Variants in RBFOX1 observed in about 807,000 individuals in gnomAD.
RBFOX1 encodes the protein RNA binding protein fox-1 homolog 1.
In RBFOX1, 8 loss-of-function variants were observed where a neutral mutation model predicts 57.7. The ratio of observed to expected loss-of-function variants is 0.14; its 90% CI spans 0.08 to 0.25. The LOEUF (loss-of-function observed/expected upper bound fraction) is 0.25. Among genes scored for constraint, RBFOX1 ranks in the 10% least tolerant of loss-of-function variants. The pLI is 1.00. For missense variants in RBFOX1, 611 were observed against 548.5 expected, an observed-to-expected ratio of 1.11 and a Z score of -1.14; for synonymous variants, 326 against 222.4, an observed-to-expected ratio of 1.47 and a Z score of -4.15.
At chr16:6,391,651 C>T (rs1049870908) in intron 2 of RBFOX1, among the ~76,000 whole-genome samples, 1 of 152,044 alleles carries the variant, frequency 6.6e-6, no homozygotes, top group African/African-American at 2.4e-5. Flanking sequence ...GTTATAATTG[C>T]CTTGATGGAA....
intron 11 of RBFOX1, among the ~76,000 whole-genome samples, chr16:7,639,782 T>C (rs1468518452): frequency 6.6e-6 from 1 of 152,174 alleles, no homozygotes; most frequent in East Asian, 1.9e-4. Flanking sequence ...CCTTTGCTAC[T>C]GAGACCCTAT....
At chr16:6,139,858 C>A (rs1194170723) in intron 1 of RBFOX1, among the ~76,000 whole-genome samples, 4 of 152,142 alleles carry the variant, frequency 2.6e-5, no homozygotes, top group Non-Finnish European at 5.9e-5. Context: ...AGGAAGGAAG[C>A]AGAAAAGGGT....
intron 2 of RBFOX1, among the ~76,000 whole-genome samples, chr16:6,477,582 G>C (rs2095293292): frequency 6.6e-6 from 1 of 152,198 alleles, no homozygotes; most frequent in Non-Finnish European, 1.5e-5. Context: ...CATAGGCAGA[G>C]TAGATTTAGA....
intron 1 of RBFOX1, among the ~76,000 whole-genome samples, chr16:6,146,374 G>T (rs1316971302): frequency 6.6e-6 from 1 of 152,200 alleles, no homozygotes; most frequent in Admixed American, 6.5e-5. Context: ...CTCCAAAATT[G>T]TAGATCAGCT....
intron 1 of RBFOX1, among the ~76,000 whole-genome samples, chr16:6,196,063 A>G (rs1231999463): frequency 6.6e-6 from 1 of 152,252 alleles, no homozygotes; most frequent in Non-Finnish European, 1.5e-5. Context: ...ATTACCATAC[A>G]CAGTATGCTT....
intron 3 of RBFOX1, among the ~76,000 whole-genome samples, chr16:5,761,721 G>C (rs28533934): frequency 0.013 from 1,905 of 152,284 alleles, 36 homozygotes; most frequent in African/African-American, 0.042. Context: ...AATTCAAGAT[G>C]ACATTTGGGT....
chr16:5,592,781 G>A (rs2047052613), intron 2 of RBFOX1, among the ~76,000 whole-genome samples: 1 of 152,180 alleles, frequency 6.6e-6, no homozygotes, highest in African/African-American at 2.4e-5. Flanking sequence ...GGCCTCATAG[G>A]CTCCTCAGCC....
intron 2 of RBFOX1, among the ~76,000 whole-genome samples, chr16:5,502,841 T>C (rs9746963): frequency 0.07 from 10,629 of 152,146 alleles, 1,202 homozygotes; most frequent in African/African-American, 0.24. Flanking sequence ...CCCTGAGAAA[T>C]AGCCAGGGCA....
chr16:5,669,159 C>G (rs984121316), intron 3 of RBFOX1, among the ~76,000 whole-genome samples: 1 of 152,120 alleles, frequency 6.6e-6, no homozygotes, highest in Admixed American at 6.5e-5. Flanking sequence ...GGCCTTTACC[C>G]CTAAGTGTGA....
intron 9 of RBFOX1, among the ~76,000 whole-genome samples, chr16:7,601,625 ACACCAC>A (rs141039302): frequency 7.9e-5 from 12 of 152,058 alleles, no homozygotes; most frequent in Middle Eastern, 3.4e-3. Context: ...GGAAAAATCA[ACACCAC>A]CACCACCACC....
chr16:7,320,060 CCTTTTCTT>C (rs1156481937), intron 4 of RBFOX1, among the ~76,000 whole-genome samples: 1 of 152,064 alleles, frequency 6.6e-6, no homozygotes, highest in African/African-American at 2.4e-5. Context: ...TTGAAAGTTA[CCTTTTCTT>C]AAAAAAATTA....
intron 3 of RBFOX1, among the ~76,000 whole-genome samples, chr16:5,716,474 A>T (rs1260466718): frequency 6.6e-6 from 1 of 152,244 alleles, no homozygotes; most frequent in African/African-American, 2.4e-5. Flanking sequence ...TTCGCTGATG[A>T]TTAGAGAAAT....
At chr16:5,854,017 T>G (rs2056963038) in intron 3 of RBFOX1, among the ~76,000 whole-genome samples, 1 of 152,226 alleles carries the variant, frequency 6.6e-6, no homozygotes, top group South Asian at 2.1e-4. Context: ...TCAGCTAAGT[T>G]TCTATTTTTA....
At chr16:7,221,389 CAG>C (rs1368275136) in intron 4 of RBFOX1, among the ~76,000 whole-genome samples, 2 of 143,030 alleles carry the variant, frequency 1.4e-5, no homozygotes, top group Non-Finnish European at 3.1e-5. Flanking sequence ...ATTTATGAGA[CAG>C]AGTTTTGCTC....
At chr16:7,694,223 A>C (rs1250716226) in intron 14 of RBFOX1, among the ~76,000 whole-genome samples, 1 of 152,216 alleles carries the variant, frequency 6.6e-6, no homozygotes, top group Non-Finnish European at 1.5e-5. Context: ...GGAGGACGTT[A>C]CAACTTATCA....
intron 4 of RBFOX1, among the ~76,000 whole-genome samples, chr16:7,268,005 A>G (rs1276616918): frequency 1.4e-4 from 22 of 152,326 alleles, no homozygotes; most frequent in Non-Finnish European, 5.9e-5. Context: ...GAGTGTACTC[A>G]CACAAACCCA....
chr16:6,685,011 C>T (rs2059214014), intron 3 of RBFOX1, among the ~76,000 whole-genome samples: 3 of 152,082 alleles, frequency 2.0e-5, no homozygotes, highest in Admixed American at 6.6e-5. Context: ...AATGGGGGCT[C>T]AGGAATAGTG....
intron 1 of RBFOX1, among the ~76,000 whole-genome samples, chr16:6,218,378 G>T (rs1382561384): frequency 6.6e-6 from 1 of 151,828 alleles, no homozygotes; most frequent in East Asian, 1.9e-4. Flanking sequence ...GCACAATCTC[G>T]GCTCACTGCG....
intron 2 of RBFOX1, among the ~76,000 whole-genome samples, chr16:6,404,075 C>T (rs1393910623): frequency 6.6e-6 from 1 of 152,164 alleles, no homozygotes; most frequent in Non-Finnish European, 1.5e-5. Context: ...ACAGCTGGCT[C>T]TCCATGTCCA....
Sources: gnomAD v4.1 joint callset for allele counts (sites outside exome capture counted in the v4.1 genomes callset) on GRCh38, gnomAD v4.1.1 for gene constraint, MANE v1.5 for transcripts, NCBI Gene and HGNC (gene_info 2026-07-23, HGNC 2026-07-21) for gene names.